The following EPHA6 variants were observed in gnomAD, a reference collection of about 807,000 sequenced individuals.
The protein encoded by EPHA6 is EPH receptor A6, also known as ephrin type-A receptor 6.
Under a neutral mutation model 112.0 loss-of-function variants are expected in EPHA6, and 50 were observed. That is an observed-to-expected ratio of 0.45 (90% confidence interval 0.36 to 0.56). EPHA6 has a LOEUF of 0.56. Ranked by LOEUF, EPHA6 falls within the 20% of genes least tolerant of loss-of-function variation. EPHA6 has a pLI of 0.00. For missense variants in EPHA6, 1,280 were observed against 1,417.4 expected (o/e 0.90, Z 1.56); for synonymous variants, 529 against 490.7 (o/e 1.08, Z -1.03).
At chr3:97,538,320 G>A (rs2092791571) in intron 11 of EPHA6, among the ~76,000 whole-genome samples, 1 of 152,160 alleles carries the variant, frequency 6.6e-6, no homozygotes, top group Admixed American at 6.5e-5. Context: ...GAATGAGGAC[G>A]ATGGAACAGT....
At chr3:97,104,615 T>C (rs1318692270) in intron 3 of EPHA6, among the ~76,000 whole-genome samples, 2 of 152,224 alleles carry the variant, frequency 1.3e-5, no homozygotes, top group East Asian at 3.9e-4. Context: ...TCTTTTTTCA[T>C]CATGTCTCTG....
intron 3 of EPHA6, among the ~76,000 whole-genome samples, chr3:97,045,359 T>C (rs1576382868): frequency 6.6e-6 from 1 of 152,024 alleles, no homozygotes; most frequent in African/African-American, 2.4e-5. Flanking sequence ...GAAGGATCGG[T>C]ATGTCACAAA....
chr3:97,575,717 C>T (rs1227542216), intron 11 of EPHA6, among the ~76,000 whole-genome samples: 1 of 152,092 alleles, frequency 6.6e-6, no homozygotes, highest in Non-Finnish European at 1.5e-5. Context: ...AGGGAAATCA[C>T]ATAGGCACAT....
chr3:97,026,066 A>G (rs892793922), intron 3 of EPHA6, among the ~76,000 whole-genome samples: 13 of 150,034 alleles, frequency 8.7e-5, no homozygotes, highest in African/African-American at 3.2e-4. Flanking sequence ...GATAGTTTTA[A>G]GTGTGTGGTT....
At chr3:97,642,862 C>T (rs1000425445) in intron 14 of EPHA6, among the ~76,000 whole-genome samples, 44 of 122,024 alleles carry the variant, frequency 3.6e-4, no homozygotes, top group African/African-American at 1.4e-3. Context: ...TTGGAAAACA[C>T]TCTGCAGGAT....
chr3:97,082,311 T>G (rs1401065328), intron 3 of EPHA6, among the ~76,000 whole-genome samples: 7 of 151,900 alleles, frequency 4.6e-5, no homozygotes, highest in Non-Finnish European at 1.0e-4. Context: ...GAATCAGATA[T>G]GGGATTCACA....
At position 97,039,197 on chromosome 3, in the gene EPHA6, T is replaced by C. The variant is rs149532746; in HGVS notation, c.1114+51204T>C. Among the ~76,000 whole-genome samples the C allele has an allele frequency of 4.6e-5, 7 of 152,064 alleles. No individual in the cohort carries two copies. In the East Asian group the frequency reaches 1.4e-3, roughly 29 times the overall value. On this transcript the variant is annotated intron_variant, in intron 3 of 17. Transcript: ENST00000389672. Reference sequence around the variant, plus strand: ...ACAAGAAGGCCTAAGACTCAACATATAAGTTGGCAAACTGTAAACATTTAG... The same window carrying C: ...ACAAGAAGGCCTAAGACTCAACATACAAGTTGGCAAACTGTAAACATTTAG...
At chr3:97,565,554 A>G (rs2093252481) in intron 11 of EPHA6, among the ~76,000 whole-genome samples, 1 of 152,182 alleles carries the variant, frequency 6.6e-6, no homozygotes, top group African/African-American at 2.4e-5. Flanking sequence ...TATTTTCTCA[A>G]ATGTATTAAC....
intron 5 of EPHA6, among the ~76,000 whole-genome samples, chr3:97,343,477 G>T (rs1365253354): frequency 1.3e-5 from 2 of 152,284 alleles, no homozygotes; most frequent in East Asian, 1.9e-4. Context: ...AGAACTTAAA[G>T]ATTCTAAATC....
rs112495302 is a variant in EPHA6 at position 97,615,610 on chromosome 3, A to G, written c.2574+4756A>G. 4.8e-3 allele frequency among the ~76,000 whole-genome samples: 728 copies of G among 152,182 alleles called. 8 individuals carry two copies. The highest frequency in any genetic ancestry group is 0.017 in the African/African-American group (695 of 41,516). ...GGGGGAGGGGCAGGCCTCCATCTTT[A>G]TTGTTTGGACAACTTAGCCATTTCA... On this transcript the variant is annotated intron_variant, in intron 13 of 17. Coordinates refer to ENST00000389672, the MANE Select transcript of EPHA6 (RefSeq NM_001080448.3).
Position 97,310,555 on chromosome 3 carries a change from C to CA in EPHA6, c.1606+66278dup, listed in dbSNP as rs34719068. 6.7e-3 allele frequency among the ~76,000 whole-genome samples: 964 copies of CA among 144,898 alleles called. 5 individuals carry two copies. The highest frequency in any genetic ancestry group is 0.011 in the Non-Finnish European group (700 of 64,636). On this transcript the variant is annotated intron_variant, in intron 5 of 17. Transcript: ENST00000389672. ...TGATGCTCAAAAATATGATTATAGG[C>CA]AAAAAAAAAAGAGTCTGGTCACACT...
chr3:97,578,260 G>A (rs144622909), intron 11 of EPHA6, among the ~76,000 whole-genome samples: 5 of 152,040 alleles, frequency 3.3e-5, no homozygotes, highest in South Asian at 2.1e-4. Flanking sequence ...GGATAGCTTC[G>A]TGAACCTCCG....
intron 11 of EPHA6, among the ~76,000 whole-genome samples, chr3:97,555,472 A>G (rs1486568287): frequency 2.0e-5 from 3 of 152,118 alleles, no homozygotes; most frequent in Non-Finnish European, 1.5e-5. Flanking sequence ...GTCAAATGGT[A>G]TTTCTAGTTC....
chr3:97,354,638 A>T (rs565919849), intron 5 of EPHA6, among the ~76,000 whole-genome samples: 1 of 152,264 alleles, frequency 6.6e-6, no homozygotes, highest in Non-Finnish European at 1.5e-5. Flanking sequence ...AAAATCAAAG[A>T]ATTATTGGCC....
At chr3:97,098,217 G>C (rs1166723710) in intron 3 of EPHA6, among the ~76,000 whole-genome samples, 1 of 151,844 alleles carries the variant, frequency 6.6e-6, no homozygotes, top group Non-Finnish European at 1.5e-5. Context: ...CCAGGGATTG[G>C]ACCAAGTCTG....
intron 1 of EPHA6, among the ~76,000 whole-genome samples, chr3:96,817,803 T>G (rs1426367810): frequency 1.3e-5 from 2 of 151,888 alleles, no homozygotes; most frequent in Non-Finnish European, 2.9e-5. Context: ...GGTAAAATGA[T>G]GATGATAATG....
intron 7 of EPHA6, 125 bp downstream of exon 7, chr3:97,448,855 A>T: frequency 1.2e-6 from 1 of 817,270 alleles, no homozygotes; most frequent in East Asian, 2.6e-5. Context: ...TGTTCATGTA[A>T]ATACTCATAC....
chr3:97,448,461 A>G lies in EPHA6; in HGVS notation c.1732-107A>G, dbSNP rs1295082502. On this transcript the variant is annotated intron_variant, in intron 6 of 17. Transcript: ENST00000389672. ...ATGCTAACACTACTTTGTAATCAAT[A>G]CTTTTGGTATTCAGAGCATAATTTC... is the stretch of plus-strand genomic sequence containing the variant. The G allele has an allele frequency of 6.0e-6, 7 of 1,175,842 alleles. No individual in the cohort carries two copies. The African/African-American group carries it at 7.7e-5, about 13-fold the overall frequency. The allele number at this position is 1,175,842 out of a possible 1,614,324, so 72.8% of individuals were successfully genotyped here. A position where few individuals can be genotyped will look rare whatever the true frequency, so the allele number is the denominator to read the frequency against.
At chr3:96,900,680 G>T (rs1379251554) in intron 2 of EPHA6, among the ~76,000 whole-genome samples, 1 of 152,210 alleles carries the variant, frequency 6.6e-6, no homozygotes, top group Non-Finnish European at 1.5e-5. Flanking sequence ...TGAATAAGAA[G>T]ATTCACATGG....
Sources: gnomAD v4.1 joint callset for allele counts (sites outside exome capture counted in the v4.1 genomes callset) on GRCh38, gnomAD v4.1.1 for gene constraint, MANE v1.5 for transcripts, NCBI Gene and HGNC (gene_info 2026-07-23, HGNC 2026-07-21) for gene names.